SLC6A11: variants seen among roughly 807,000 people sequenced by gnomAD.
The protein encoded by SLC6A11 is sodium- and chloride-dependent GABA transporter 3.
A neutral mutation model predicts 74.8 loss-of-function variants in SLC6A11; 25 were observed. The ratio of observed to expected loss-of-function variants is 0.33; its 90% CI spans 0.24 to 0.47. SLC6A11 has a LOEUF of 0.47. Ranked by LOEUF, SLC6A11 falls within the 20% of genes least tolerant of loss-of-function variation. The pLI is 1.00. For synonymous variants in SLC6A11, 330 were observed against 330.2 expected (o/e 1.00, Z 0.01); for missense variants, 574 against 837.0 (o/e 0.69, Z 3.88).
chr3:10,849,810 AAAAAAAAAAAAACG>A (rs1694550114), intron 5 of SLC6A11, among the ~76,000 whole-genome samples: 1 of 115,416 alleles, frequency 8.7e-6, no homozygotes, highest in African/African-American at 4.0e-5. Flanking sequence ...AAAAAAAAAA[AAAAAAAAAAAAACG>A]AAAAAAAACC....
In SLC6A11 at chr3:10,926,832, TC is replaced by T. The variant is rs1250863580; in HGVS notation, c.1233+721del. On this transcript the variant is annotated intron_variant, in intron 9 of 13. Coordinates refer to ENST00000254488, the MANE Select transcript of SLC6A11 (RefSeq NM_014229.3). The surrounding 1 kb of genome is among the most constrained non-coding windows in gnomAD (Gnocchi z 5.7). ...GTCCCCGGCCTCTTTCCCAGACCAT[TC>T]CCCCAACAGTCCCTGAAACCCACCC... Among the ~76,000 whole-genome samples, 1 of 151,812 alleles carries T rather than the reference TC, an allele frequency of 6.6e-6. No individual in the cohort carries two copies. The highest frequency in any genetic ancestry group is 1.9e-4 in the East Asian group (1 of 5,178).
At chr3:10,880,772 G>T (rs1559569714) in intron 6 of SLC6A11, among the ~76,000 whole-genome samples, 1 of 152,152 alleles carries the variant, frequency 6.6e-6, no homozygotes, top group Admixed American at 6.5e-5. Context: ...GGATGGCAGG[G>T]ATTACAACAA....
chr3:10,852,020 A>G (rs3774119), intron 5 of SLC6A11, among the ~76,000 whole-genome samples: 15,052 of 152,344 alleles, frequency 0.099, 1,093 homozygotes, highest in Admixed American at 0.25. Flanking sequence ...TAATGGCTCA[A>G]TGAGGCATAA....
intron 6 of SLC6A11, among the ~76,000 whole-genome samples, chr3:10,899,803 G>A (rs1575694772): frequency 6.6e-6 from 1 of 152,186 alleles, no homozygotes; most frequent in East Asian, 1.9e-4. Flanking sequence ...TCCTTAGTAT[G>A]GAGCAGGAGC....
intron 5 of SLC6A11, among the ~76,000 whole-genome samples, chr3:10,862,236 C>T (rs1387490306): frequency 1.3e-5 from 2 of 152,112 alleles, no homozygotes; most frequent in Non-Finnish European, 1.5e-5. Context: ...GCCAAGGTTC[C>T]GAGTATGTTT....
chr3:10,820,814 T>C (rs917694796), intron 3 of SLC6A11, among the ~76,000 whole-genome samples: 1 of 152,206 alleles, frequency 6.6e-6, no homozygotes, highest in Non-Finnish European at 1.5e-5. Context: ...AGAGAGCTGC[T>C]GCCTTTTGAC....
intron 7 of SLC6A11, among the ~76,000 whole-genome samples, chr3:10,913,982 G>A (rs1286236769): frequency 6.6e-6 from 1 of 152,128 alleles, no homozygotes; most frequent in East Asian, 1.9e-4. Flanking sequence ...CTTGAGCCAC[G>A]GTGCCCGGCC....
intron 4 of SLC6A11, among the ~76,000 whole-genome samples, chr3:10,825,671 T>A (rs929893759): frequency 1.1e-4 from 17 of 152,232 alleles, no homozygotes; most frequent in African/African-American, 4.1e-4. Context: ...GTTTTACAGT[T>A]TTTTTTCATA....
chr3:10,934,234 A>G lies in SLC6A11; in HGVS notation c.1575+68A>G, dbSNP rs1170580856. ...CATCTACCCTCCAACCCACGTTTCC[A>G]CTCCGTAGCCCCCACCCTGGCCGAG... On this transcript the variant is annotated intron_variant, in intron 12 of 13. Coordinates refer to ENST00000254488, the MANE Select transcript of SLC6A11 (RefSeq NM_014229.3). 6 of 1,091,426 alleles carry G rather than the reference A, an allele frequency of 5.5e-6. No homozygotes were observed. In the Admixed American group the frequency reaches 6.9e-5, roughly 12 times the overall value. The allele number at this position is 1,091,426 out of a possible 1,614,324, so 67.6% of individuals were successfully genotyped here. A position where few individuals can be genotyped will look rare whatever the true frequency, so the allele number is the denominator to read the frequency against.
intron 5 of SLC6A11, among the ~76,000 whole-genome samples, chr3:10,873,966 T>TACGCTACGCTAC (rs1559567223): frequency 3.8e-4 from 50 of 130,000 alleles, no homozygotes; most frequent in Non-Finnish European, 6.0e-4. Context: ...TGCTACGCTA[T>TACGCTACGCTAC]GCTATGCTAC....
intron 4 of SLC6A11, among the ~76,000 whole-genome samples, chr3:10,830,993 A>G (rs1694289229): frequency 6.6e-6 from 1 of 152,162 alleles, no homozygotes; most frequent in South Asian, 2.1e-4. Context: ...GTTGGGAAAG[A>G]CAGGGTGGAA....
chr3:10,841,483 G>T (rs902385455), intron 4 of SLC6A11, among the ~76,000 whole-genome samples: 1 of 152,174 alleles, frequency 6.6e-6, no homozygotes, highest in Non-Finnish European at 1.5e-5. Flanking sequence ...CCTAGTTAAA[G>T]TCAGCGTTGG....
chr3:10,918,322 C>G lies in SLC6A11; in HGVS notation c.996-7C>G. The G allele has an allele frequency of 6.3e-7, 1 of 1,578,892 alleles. No individual in the cohort carries two copies. The highest frequency in any genetic ancestry group is 1.4e-5 in the African/African-American group (1 of 72,702). ...TGACCCTAGTGCCTCTCGCTGCTTC[C>G]CCACAGGGACTGCATCATGCTCTGT... On this transcript the variant is annotated splice_polypyrimidine_tract_variant and splice_region_variant and intron_variant, in intron 7 of 13. Coordinates refer to ENST00000254488, the MANE Select transcript of SLC6A11 (RefSeq NM_014229.3). The surrounding 1 kb of genome is among the most constrained non-coding windows in gnomAD (Gnocchi z 4.5).
At chr3:10,842,030 T>C (rs191575911) in intron 4 of SLC6A11, among the ~76,000 whole-genome samples, 1 of 152,346 alleles carries the variant, frequency 6.6e-6, no homozygotes, top group African/African-American at 2.4e-5. Flanking sequence ...TTGGGGATGC[T>C]TTTGGTGGCC....
chr3:10,913,456 TTTG>T (rs1354672039), intron 7 of SLC6A11, among the ~76,000 whole-genome samples: 1 of 152,238 alleles, frequency 6.6e-6, no homozygotes, highest in African/African-American at 2.4e-5. Context: ...ATGGGTGTGT[TTTG>T]TTTAGTTTCT....
chr3:10,860,577 C>T (rs905488998), intron 5 of SLC6A11, among the ~76,000 whole-genome samples: 3 of 152,112 alleles, frequency 2.0e-5, no homozygotes, highest in African/African-American at 4.8e-5. Flanking sequence ...GGCTTCAAGG[C>T]GGGAGAAGGA....
chr3:10,937,726 G>C (rs1266820243), intron 13 of SLC6A11, among the ~76,000 whole-genome samples: 1 of 152,222 alleles, frequency 6.6e-6, no homozygotes, highest in Admixed American at 6.5e-5. Flanking sequence ...CTTGGGCTTT[G>C]TGATAATGCT....
At position 10,816,362 on chromosome 3, in the gene SLC6A11, G is replaced by T; in HGVS notation, c.97G>T (p.Ala33Ser). ...APGGGCSSGG[A>S]APARHPRVKR... Reference sequence around the variant, plus strand: ...GGGTGGCGGCTGCAGCAGCGGGGGCGCGGCGCCCGCGCGCCACCCGCGCGT... The same window carrying T: ...GGGTGGCGGCTGCAGCAGCGGGGGCTCGGCGCCCGCGCGCCACCCGCGCGT... The change falls in exon 1 of 14, where the codon GCG (alanine) becomes TCG (serine). Residue 33 changes from alanine to serine, a missense_variant. Coordinates refer to ENST00000254488, the MANE Select transcript of SLC6A11 (RefSeq NM_014229.3). The surrounding 1 kb of genome is among the most constrained non-coding windows in gnomAD (Gnocchi z 4.2). 6.8e-7 allele frequency: 1 copy of T among 1,464,332 alleles called. No homozygotes were observed. Among genetic ancestry groups the T allele is most frequent in the Non-Finnish European group, 9.0e-7 (1 of 1,108,274 alleles). The allele number at this position is 1,464,332 out of a possible 1,614,324, so 90.7% of individuals were successfully genotyped here.
chr3:10,883,190 G>A (rs1376975055), intron 6 of SLC6A11, among the ~76,000 whole-genome samples: 2 of 152,206 alleles, frequency 1.3e-5, no homozygotes, highest in South Asian at 2.1e-4. Context: ...TTTGCATTCC[G>A]TGGTCTGTTA....
Sources: gnomAD v4.1 joint callset for allele counts (sites outside exome capture counted in the v4.1 genomes callset) on GRCh38, gnomAD v4.1.1 for gene constraint, Gnocchi (gnomAD v3.1) non-coding constraint, MANE v1.5 for transcripts, NCBI Gene and HGNC (gene_info 2026-07-23, HGNC 2026-07-21) for gene names.